The following PDE10A variants were observed in gnomAD, a reference collection of about 807,000 sequenced individuals.
PDE10A encodes phosphodiesterase 10A.
PDE10A carries 39 observed loss-of-function variants against 97.7 expected under a neutral mutation model. That is an observed-to-expected ratio of 0.40 (90% CI 0.31 to 0.52). The LOEUF (loss-of-function observed/expected upper bound fraction) is 0.52, where lower values mean the gene tolerates loss of function less well. PDE10A is among the 20% of genes least tolerant of loss of function. The pLI is 0.56. For missense variants in PDE10A, 731 were observed against 1,047.8 expected (o/e 0.70, Z 4.17); for synonymous variants, 371 against 376.8 (o/e 0.98, Z 0.18).
intron 1 of PDE10A, among the ~76,000 whole-genome samples, chr6:165,916,292 C>T (rs142986966): frequency 3.9e-5 from 6 of 152,300 alleles, no homozygotes; most frequent in African/African-American, 1.4e-4. Flanking sequence ...TGACCTAATT[C>T]CAAGTTCGAT....
At chr6:165,606,597 T>C (rs1464449301) in intron 1 of PDE10A, among the ~76,000 whole-genome samples, 3 of 152,202 alleles carry the variant, frequency 2.0e-5, no homozygotes, top group African/African-American at 4.8e-5. Flanking sequence ...TCTTACCTCA[T>C]ACCCAGGAGG....
At chr6:165,983,405 A>T (rs1282311378) in intron 1 of PDE10A, among the ~76,000 whole-genome samples, 1 of 152,190 alleles carries the variant, frequency 6.6e-6, no homozygotes, top group African/African-American at 2.4e-5. Flanking sequence ...GCACTCTGGC[A>T]TGGATTGGTG....
At chr6:165,845,735 A>T (rs1780399039) in intron 1 of PDE10A, among the ~76,000 whole-genome samples, 1 of 152,258 alleles carries the variant, frequency 6.6e-6, no homozygotes, top group South Asian at 2.1e-4. Flanking sequence ...ATAGGAAACA[A>T]GCATTAAATT....
At chr6:165,914,972 A>C in intron 1 of PDE10A, among the ~76,000 whole-genome samples, 1 of 152,136 alleles carries the variant, frequency 6.6e-6, no homozygotes, top group African/African-American at 2.4e-5. Context: ...ATGGGATGCT[A>C]TTCCACTGGT....
Position 165,388,385 on chromosome 6 carries a change from C to G in PDE10A, c.2523G>C (p.Leu841=). Residue 841 remains leucine, a synonymous_variant, in exon 17 of 22, where the codon CTG becomes CTC. Coordinates refer to ENST00000539869, the MANE Select transcript of PDE10A (RefSeq NM_001385079.1). This position sits in a 1 kb window ranked among gnomAD's most constrained non-coding sequence, Gnocchi z 4.0. Reference sequence around the variant, plus strand: ...CGGCCAGAGGGTGGTCGAACTTCTGCAGGTAGCTGTTACTGAAGCCCCTGT... The same window carrying G: ...CGGCCAGAGGGTGGTCGAACTTCTGGAGGTAGCTGTTACTGAAGCCCCTGT... The part of the protein sequence containing the change: ...LDHRGFSNSY[L]QKFDHPLAAL... The G allele has an allele frequency of 6.2e-7, 1 of 1,614,074 alleles. No individual in the cohort carries two copies.
intron 1 of PDE10A, among the ~76,000 whole-genome samples, chr6:165,729,445 TG>T (rs147688569): frequency 0.079 from 12,023 of 152,198 alleles, 551 homozygotes; most frequent in African/African-American, 0.12. Flanking sequence ...AGGATTATAT[TG>T]GGAGATACTA....
chr6:165,792,441 A>G (rs1455225574), intron 1 of PDE10A, among the ~76,000 whole-genome samples: 1 of 151,984 alleles, frequency 6.6e-6, no homozygotes, highest in Non-Finnish European at 1.5e-5. Flanking sequence ...GCTGCTAGTC[A>G]CCTCGGGTCT....
intron 1 of PDE10A, among the ~76,000 whole-genome samples, chr6:165,561,830 C>G (rs563775549): frequency 6.6e-6 from 1 of 152,252 alleles, no homozygotes; most frequent in East Asian, 1.9e-4. Flanking sequence ...ATGAATACAT[C>G]AGATTTTTTA....
chr6:165,472,151 A>C (rs1461995152), intron 3 of PDE10A, among the ~76,000 whole-genome samples: 1 of 151,764 alleles, frequency 6.6e-6, no homozygotes, highest in Non-Finnish European at 1.5e-5. Context: ...TCTTTTCCTA[A>C]TTTTTTCAGT....
intron 1 of PDE10A, among the ~76,000 whole-genome samples, chr6:165,846,326 A>C (rs1256235685): frequency 6.6e-6 from 1 of 152,160 alleles, no homozygotes; most frequent in Non-Finnish European, 1.5e-5. Flanking sequence ...CACCCCCTCC[A>C]TCGGAAGTAC....
chr6:165,435,242 G>T lies in PDE10A; in HGVS notation c.1330C>A (p.Leu444Ile), dbSNP rs377447624. Residue 444 changes from leucine to isoleucine, a missense_variant, in exon 6 of 22, where the codon CTT (leucine) becomes ATT (isoleucine). Coordinates refer to ENST00000539869, the MANE Select transcript of PDE10A (RefSeq NM_001385079.1). ...SRKTLLVEDI[L>I]GDERFPRGTG... is the part of the protein sequence containing the mutation. ...AGAATCAAAAAGCCACTTACTCCAA[G>T]GATGTCTTCTACTAGCAGTGTTTTC... is the stretch of plus-strand genomic sequence containing the variant. 43 of 1,613,132 alleles carry T rather than the reference G, an allele frequency of 2.7e-5. No individual in the cohort carries two copies. The highest frequency in any genetic ancestry group is 3.3e-4 in the Middle Eastern group (2 of 6,060).
chr6:165,363,087 T>A (rs184311823), intron 18 of PDE10A, among the ~76,000 whole-genome samples: 3 of 152,290 alleles, frequency 2.0e-5, no homozygotes, highest in Admixed American at 2.0e-4. Context: ...ATAAAGTTCA[T>A]CTATAAAATA....
chr6:165,573,809 C>A (rs766120213), intron 1 of PDE10A, among the ~76,000 whole-genome samples: 9 of 152,182 alleles, frequency 5.9e-5, no homozygotes, highest in Non-Finnish European at 1.3e-4. Flanking sequence ...AACAAAGAGT[C>A]TTTTCCCCTG....
rs1779495829 is a variant in PDE10A, at chr6:165,819,080, G to C, written c.-615+168449C>G. 6.6e-6 allele frequency among the ~76,000 whole-genome samples: 1 copy of C among 152,146 alleles called. No homozygotes were observed. Among genetic ancestry groups the C allele is most frequent in the African/African-American group, 2.4e-5 (1 of 41,440 alleles). On this transcript the variant is annotated intron_variant, in intron 1 of 19. Transcript: ENST00000366882. This position sits in a 1 kb window ranked among gnomAD's most constrained non-coding sequence, Gnocchi z 4.2. ...AAGCCTCCGTCTAAGCTTGAGTCCT[G>C]TGTGCCCACTGGCTGCTGGATCCTG... is the stretch of plus-strand genomic sequence containing the variant.
At chr6:165,472,170 T>C (rs1779052718) in intron 3 of PDE10A, among the ~76,000 whole-genome samples, 1 of 152,110 alleles carries the variant, frequency 6.6e-6, no homozygotes, top group South Asian at 2.1e-4. Flanking sequence ...GTTTTTTCAC[T>C]ATAGCAGTAT....
intron 10 of PDE10A, among the ~76,000 whole-genome samples, chr6:165,425,711 A>C (rs937625510): frequency 6.6e-6 from 1 of 151,898 alleles, no homozygotes; most frequent in African/African-American, 2.4e-5. Flanking sequence ...AAAAGAAAGA[A>C]AACACATCTG....
At chr6:165,834,480 C>A (rs561957909) in intron 1 of PDE10A, among the ~76,000 whole-genome samples, 1 of 152,146 alleles carries the variant, frequency 6.6e-6, no homozygotes, top group African/African-American at 2.4e-5. Context: ...GGGAGTGAGA[C>A]GATCAGAGCC....
chr6:165,374,755 G>T (rs991678743), intron 18 of PDE10A, among the ~76,000 whole-genome samples: 27 of 141,310 alleles, frequency 1.9e-4, no homozygotes, highest in African/African-American at 2.6e-4. Context: ...CATGTTTTTG[G>T]TTTTTTTTTT....
intron 1 of PDE10A, among the ~76,000 whole-genome samples, chr6:165,677,479 T>C (rs530975444): frequency 1.5e-4 from 23 of 152,374 alleles, no homozygotes; most frequent in African/African-American, 4.8e-4. Flanking sequence ...GATTAAAATA[T>C]TTAGAAATAA....
Sources: allele counts gnomAD v4.1 joint callset (sites outside exome capture counted in the v4.1 genomes callset), GRCh38; gene constraint gnomAD v4.1.1; non-coding constraint Gnocchi (gnomAD v3.1); transcripts MANE v1.5; gene names NCBI Gene and HGNC (gene_info 2026-07-23, HGNC 2026-07-21).